LHFPL3: variants seen among roughly 807,000 people sequenced by gnomAD.
The protein encoded by LHFPL3 is LHFPL tetraspan subfamily member 3 protein.
Under a neutral mutation model 19.3 loss-of-function variants are expected in LHFPL3, and 5 were observed. That is an observed-to-expected ratio of 0.26 (90% confidence interval 0.14 to 0.54). The LOEUF (loss-of-function observed/expected upper bound fraction) is 0.54, where lower values mean the gene tolerates loss of function less well. LHFPL3 is among the 20% of genes least tolerant of loss of function. The pLI is 0.94. For synonymous variants in LHFPL3, 133 were observed against 126.2 expected (o/e 1.05, Z -0.36); for missense variants, 249 against 307.4 (o/e 0.81, Z 1.42).
chr7:104,391,475 G>T (rs1791067459), intron 1 of LHFPL3, among the ~76,000 whole-genome samples: 1 of 152,156 alleles, frequency 6.6e-6, no homozygotes, highest in Non-Finnish European at 1.5e-5. Context: ...TGTTAGGTTT[G>T]TCAAAGATCA....
chr7:104,350,878 A>G (rs1790160352), intron 1 of LHFPL3, among the ~76,000 whole-genome samples: 1 of 152,070 alleles, frequency 6.6e-6, no homozygotes. Context: ...CGTCTATACT[A>G]AAAATACAAA....
chr7:104,820,123 G>A (rs1346728931), intron 2 of LHFPL3, among the ~76,000 whole-genome samples: 1 of 152,110 alleles, frequency 6.6e-6, no homozygotes, highest in Non-Finnish European at 1.5e-5. Flanking sequence ...ATCTGGACAT[G>A]TTATATCTGA....
chr7:104,869,955 G>A (rs1791800643), intron 2 of LHFPL3, among the ~76,000 whole-genome samples: 1 of 152,204 alleles, frequency 6.6e-6, no homozygotes, highest in South Asian at 2.1e-4. Flanking sequence ...CATGGATGAA[G>A]CTGGAAACCA....
chr7:104,694,761 A>C (rs1447967041), intron 1 of LHFPL3, among the ~76,000 whole-genome samples: 1 of 152,226 alleles, frequency 6.6e-6, no homozygotes, highest in Admixed American at 6.5e-5. Context: ...AAAGGCAGAT[A>C]TATTAGAGAA....
At chr7:104,779,354 C>T (rs1328962480) in intron 2 of LHFPL3, among the ~76,000 whole-genome samples, 1 of 152,152 alleles carries the variant, frequency 6.6e-6, no homozygotes. Flanking sequence ...CTCCTGAGGG[C>T]AGGGAAATGA....
intron 1 of LHFPL3, among the ~76,000 whole-genome samples, chr7:104,592,350 C>A (rs982537377): frequency 2.0e-5 from 3 of 151,516 alleles, no homozygotes; most frequent in African/African-American, 7.3e-5. Context: ...ACAGTAAGGA[C>A]CCTCAGCTGC....
chr7:104,370,174 G>A (rs1374322620), intron 1 of LHFPL3, among the ~76,000 whole-genome samples: 1 of 152,162 alleles, frequency 6.6e-6, no homozygotes, highest in Non-Finnish European at 1.5e-5. Context: ...CTTGGAGAAG[G>A]AACTAAAACT....
intron 1 of LHFPL3, among the ~76,000 whole-genome samples, chr7:104,434,605 ACTT>A (rs998128425): frequency 2.8e-4 from 43 of 152,220 alleles, no homozygotes; most frequent in Admixed American, 1.2e-3. Flanking sequence ...ATTTATACCT[ACTT>A]TGACTGTGAT....
chr7:104,686,649 C>T (rs1331433796), intron 1 of LHFPL3, among the ~76,000 whole-genome samples: 1 of 152,142 alleles, frequency 6.6e-6, no homozygotes, highest in Non-Finnish European at 1.5e-5. Context: ...CTCAGTCTCA[C>T]AAGACTGCCC....
chr7:104,370,680 G>A (rs999338285), intron 1 of LHFPL3, among the ~76,000 whole-genome samples: 4 of 152,112 alleles, frequency 2.6e-5, no homozygotes, highest in African/African-American at 7.2e-5. Flanking sequence ...GTCAGAGTTC[G>A]AGACCAGCCT....
intron 2 of LHFPL3, among the ~76,000 whole-genome samples, chr7:104,755,975 G>T (rs1794278306): frequency 6.6e-6 from 1 of 152,118 alleles, no homozygotes; most frequent in East Asian, 1.9e-4. Flanking sequence ...GATTACAGGT[G>T]TGAGCCACCA....
intron 1 of LHFPL3, among the ~76,000 whole-genome samples, chr7:104,637,852 T>C (rs967801020): frequency 6.6e-6 from 1 of 151,284 alleles, no homozygotes; most frequent in African/African-American, 2.4e-5. Flanking sequence ...TTTAGCTTTT[T>C]TTTTCTTGGT....
At chr7:104,403,751 CTCTCT>C (rs1791362757) in intron 1 of LHFPL3, among the ~76,000 whole-genome samples, 1 of 152,000 alleles carries the variant, frequency 6.6e-6, no homozygotes. Flanking sequence ...CTCTCTCTCT[CTCTCT>C]CTCATCATTA....
At chr7:104,583,061 A>G (rs1421879105) in intron 1 of LHFPL3, among the ~76,000 whole-genome samples, 1 of 152,036 alleles carries the variant, frequency 6.6e-6, no homozygotes, top group Non-Finnish European at 1.5e-5. Context: ...GATCACCAGT[A>G]CCATGCTGTT....
At chr7:104,708,187 T>C (rs1335070671) in intron 1 of LHFPL3, among the ~76,000 whole-genome samples, 1 of 152,204 alleles carries the variant, frequency 6.6e-6, no homozygotes, top group Non-Finnish European at 1.5e-5. Flanking sequence ...ATAGATCACT[T>C]TGGGTTTCTA....
chr7:104,813,571 G>T (rs949470949), intron 2 of LHFPL3, among the ~76,000 whole-genome samples: 5 of 152,172 alleles, frequency 3.3e-5, no homozygotes, highest in African/African-American at 1.2e-4. Context: ...TGCTAAGGGT[G>T]AGTCAGGCAT....
intron 1 of LHFPL3, among the ~76,000 whole-genome samples, chr7:104,398,158 G>A (rs1313048913): frequency 6.6e-6 from 1 of 151,396 alleles, no homozygotes; most frequent in African/African-American, 2.4e-5. Context: ...GGTTTTAGAA[G>A]TGCTGGCGTC....
At chr7:104,508,985 A>T (rs936479601) in intron 1 of LHFPL3, among the ~76,000 whole-genome samples, 8 of 152,140 alleles carry the variant, frequency 5.3e-5, no homozygotes, top group African/African-American at 1.9e-4. Context: ...CTATATGATA[A>T]ATTCGACAAA....
intron 1 of LHFPL3, among the ~76,000 whole-genome samples, chr7:104,536,133 A>T (rs1162956064): frequency 6.6e-6 from 1 of 152,370 alleles, no homozygotes; most frequent in East Asian, 1.9e-4. Flanking sequence ...CCAAACTCAT[A>T]TCAAGATGAA....
Sources: allele counts gnomAD v4.1 joint callset (sites outside exome capture counted in the v4.1 genomes callset), GRCh38; gene constraint gnomAD v4.1.1; transcripts MANE v1.5; gene names NCBI Gene and HGNC (gene_info 2026-07-23, HGNC 2026-07-21).